CNBD1: variants seen among roughly 807,000 people sequenced by gnomAD.
CNBD1 encodes the protein cyclic nucleotide-binding domain-containing protein 1.
CNBD1 carries 71 observed loss-of-function variants against 54.4 expected under a neutral mutation model. The observed-to-expected ratio is 1.30, with a 90% CI of 1.08 to 1.59. The LOEUF (loss-of-function observed/expected upper bound fraction) is 1.59. Among genes scored for constraint, CNBD1 ranks in the 40% most tolerant of loss-of-function variants. The probability of loss-of-function intolerance (pLI) is 0.00; values close to 1 mark genes in which losing one functional copy is unlikely to be tolerated. For missense variants in CNBD1, 659 were observed against 518.0 expected, an observed-to-expected ratio of 1.27 and a Z score of -2.64; for synonymous variants, 182 against 170.7, an observed-to-expected ratio of 1.07 and a Z score of -0.51.
intron 1 of CNBD1, among the ~76,000 whole-genome samples, chr8:86,882,625 C>G (rs1007492786): frequency 6.6e-6 from 1 of 152,008 alleles, no homozygotes; most frequent in Non-Finnish European, 1.5e-5. Context: ...TCCTCAAAGA[C>G]CTAAAGACAG....
intron 6 of CNBD1, among the ~76,000 whole-genome samples, chr8:87,275,058 A>G (rs1179269238): frequency 7.5e-6 from 1 of 133,812 alleles, no homozygotes; most frequent in South Asian, 2.5e-4. Context: ...TGTTTTTCTC[A>G]GGTTTGTCAA....
At chr8:86,884,183 A>C (rs1465026967) in intron 1 of CNBD1, among the ~76,000 whole-genome samples, 1 of 151,164 alleles carries the variant, frequency 6.6e-6, no homozygotes, top group Non-Finnish European at 1.5e-5. Flanking sequence ...AAACAAAAAA[A>C]CCTTGCCCCT....
chr8:87,255,993 ATATATATATATATATATATATATTT>A (rs1449824096), intron 6 of CNBD1, among the ~76,000 whole-genome samples: 2 of 12,758 alleles, frequency 1.6e-4, no homozygotes, highest in South Asian at 2.6e-3. Flanking sequence ...ATATATATAT[ATATATATATATATATATATATATTT>A]TTTTTTTTTT....
At chr8:87,089,638 TAAAG>T (rs929581715) in intron 4 of CNBD1, among the ~76,000 whole-genome samples, 7 of 152,206 alleles carry the variant, frequency 4.6e-5, no homozygotes, top group Admixed American at 4.6e-4. Context: ...CTTCTTTCAA[TAAAG>T]AAATTTTCTC....
chr8:87,422,913 A>G (rs1563596525), intron 2 of CNBD1, among the ~76,000 whole-genome samples: 2 of 152,030 alleles, frequency 1.3e-5, no homozygotes, highest in East Asian at 1.9e-4. Flanking sequence ...TGAGCATGGA[A>G]TGTTCTTCCG....
At chr8:87,248,094 T>A (rs370715106) in intron 6 of CNBD1, among the ~76,000 whole-genome samples, 130 of 152,272 alleles carry the variant, frequency 8.5e-4, no homozygotes, top group Middle Eastern at 3.4e-3. Context: ...GGCCAAAAAA[T>A]TGCCCATAAC....
intron 6 of CNBD1, among the ~76,000 whole-genome samples, chr8:87,252,684 C>T (rs1434118005): frequency 6.6e-6 from 1 of 151,978 alleles, no homozygotes; most frequent in Non-Finnish European, 1.5e-5. Flanking sequence ...ATGGGGAATC[C>T]AAAACTCAGA....
chr8:87,418,648 T>C (rs1182259023), intron 2 of CNBD1, among the ~76,000 whole-genome samples: 1 of 151,960 alleles, frequency 6.6e-6, no homozygotes, highest in Non-Finnish European at 1.5e-5. Flanking sequence ...TATTCAAAAC[T>C]ATTATACTTC....
At chr8:87,040,069 T>G (rs1383446949) in intron 4 of CNBD1, among the ~76,000 whole-genome samples, 1 of 140,174 alleles carries the variant, frequency 7.1e-6, no homozygotes, top group Non-Finnish European at 1.6e-5. Flanking sequence ...CAGGAGCAAT[T>G]TGGGGAAGGT....
intron 2 of CNBD1, among the ~76,000 whole-genome samples, chr8:87,423,079 T>C (rs1027761956): frequency 6.6e-6 from 1 of 151,934 alleles, no homozygotes; most frequent in African/African-American, 2.4e-5. Flanking sequence ...TCTGTTTGTC[T>C]GTTGTTGGTG....
At chr8:87,017,846 A>G (rs1024687222) in intron 4 of CNBD1, among the ~76,000 whole-genome samples, 2 of 152,216 alleles carry the variant, frequency 1.3e-5, no homozygotes, top group African/African-American at 4.8e-5. Flanking sequence ...AGTTGTCTGC[A>G]TAAGTTCAAT....
intron 8 of CNBD1, among the ~76,000 whole-genome samples, chr8:87,308,089 A>T (rs966072929): frequency 2.4e-4 from 37 of 152,124 alleles, no homozygotes; most frequent in Non-Finnish European, 5.0e-4. Flanking sequence ...CATTATCTTT[A>T]TAGCCCTGTG....
chr8:86,894,436 C>T (rs985632379), intron 2 of CNBD1, among the ~76,000 whole-genome samples: 3 of 152,022 alleles, frequency 2.0e-5, no homozygotes, highest in African/African-American at 7.2e-5. Context: ...CATACCTTGA[C>T]CCCTCCTTCC....
At chr8:87,152,478 T>C (rs542453375) in intron 4 of CNBD1, among the ~76,000 whole-genome samples, 4 of 150,562 alleles carry the variant, frequency 2.7e-5, no homozygotes, top group Non-Finnish European at 5.9e-5. Flanking sequence ...TCTCATAACG[T>C]TTTAAGAAAG....
chr8:86,987,411 C>G (rs532690795), intron 4 of CNBD1, among the ~76,000 whole-genome samples: 4 of 152,082 alleles, frequency 2.6e-5, no homozygotes, highest in Non-Finnish European at 5.9e-5. Flanking sequence ...TTTTGGCAGT[C>G]TTTAGCATTT....
At chr8:87,140,412 GA>G (rs1248765073) in intron 4 of CNBD1, among the ~76,000 whole-genome samples, 6 of 152,094 alleles carry the variant, frequency 3.9e-5, no homozygotes, top group Non-Finnish European at 7.4e-5. Flanking sequence ...TGAAAGAATT[GA>G]TACTTCCTCA....
intron 8 of CNBD1, among the ~76,000 whole-genome samples, chr8:87,322,254 C>A (rs2130900950): frequency 8.1e-6 from 1 of 123,712 alleles, no homozygotes; most frequent in South Asian, 2.3e-4. Flanking sequence ...AATAATGCCG[C>A]AATAAACATA....
At chr8:87,049,324 G>C (rs1810265176) in intron 4 of CNBD1, among the ~76,000 whole-genome samples, 1 of 152,178 alleles carries the variant, frequency 6.6e-6, no homozygotes, top group Admixed American at 6.5e-5. Context: ...ACAGTGAGGA[G>C]GTGTCTTTCC....
intron 5 of CNBD1, among the ~76,000 whole-genome samples, chr8:87,208,932 C>T (rs570677978): frequency 5.1e-4 from 78 of 152,046 alleles, no homozygotes; most frequent in Non-Finnish European, 7.8e-4. Context: ...ATTTCTTTAA[C>T]CTGCATAGAT....
Sources: allele counts gnomAD v4.1 joint callset (sites outside exome capture counted in the v4.1 genomes callset), GRCh38; gene constraint gnomAD v4.1.1; transcripts MANE v1.5; gene names NCBI Gene and HGNC (gene_info 2026-07-23, HGNC 2026-07-21).